The following LRP1B variants were observed in gnomAD, a reference collection of about 807,000 sequenced individuals.
LRP1B encodes the protein LDL receptor related protein 1B, also known as low-density lipoprotein receptor-related protein 1B.
LRP1B carries 217 observed loss-of-function variants against 556.6 expected under a neutral mutation model. That is an observed-to-expected ratio of 0.39 (90% CI 0.35 to 0.44). The LOEUF (loss-of-function observed/expected upper bound fraction) is 0.44. Ranked by LOEUF, LRP1B falls within the 20% of genes least tolerant of loss-of-function variation. LRP1B has a pLI of 1.00. For missense variants in LRP1B, 5,053 were observed against 5,620.8 expected (o/e 0.90, Z 3.23); for synonymous variants, 2,047 against 1,865.8 (o/e 1.10, Z -2.50).
intron 1 of LRP1B, among the ~76,000 whole-genome samples, chr2:141,978,562 T>C (rs1558999690): frequency 1.3e-5 from 2 of 152,072 alleles, no homozygotes; most frequent in East Asian, 3.9e-4. Context: ...AAAAGAAAAT[T>C]TTTATCCAAG....
At chr2:140,546,731 G>T (rs1029833896) in intron 43 of LRP1B, among the ~76,000 whole-genome samples, 3 of 152,064 alleles carry the variant, frequency 2.0e-5, no homozygotes, top group African/African-American at 7.2e-5. Context: ...CATATCACTT[G>T]CCTTGTGCTG....
chr2:140,572,845 T>G (rs1319345541), intron 43 of LRP1B, among the ~76,000 whole-genome samples: 1 of 50,798 alleles, frequency 2.0e-5, no homozygotes, highest in Non-Finnish European at 4.5e-5. Context: ...AATAAAACAC[T>G]ATCATTCATG....
At chr2:141,914,676 G>A (rs1175497594) in intron 1 of LRP1B, among the ~76,000 whole-genome samples, 1 of 152,108 alleles carries the variant, frequency 6.6e-6, no homozygotes, top group Non-Finnish European at 1.5e-5. Flanking sequence ...AAAACTCAAT[G>A]TAAAAAATCA....
chr2:142,130,573 C>G (rs1308289003), intron 1 of LRP1B, 75 bp downstream of exon 1: 2 of 1,267,926 alleles, frequency 1.6e-6, no homozygotes, highest in African/African-American at 3.0e-5. Flanking sequence ...GTTTCACACT[C>G]ACTTATCTGC....
At chr2:141,458,938 T>G (rs984199194) in intron 3 of LRP1B, among the ~76,000 whole-genome samples, 1 of 152,116 alleles carries the variant, frequency 6.6e-6, no homozygotes, top group African/African-American at 2.4e-5. Flanking sequence ...TGCACAGTAA[T>G]ATGTAGAAAG....
rs150919555 is a variant in LRP1B at position 141,371,662 on chromosome 2, G to A, written c.343+108734C>T. Among the ~76,000 whole-genome samples the A allele has an allele frequency of 3.8e-3, 584 of 151,836 alleles. 10 individuals carry two copies. Among genetic ancestry groups the A allele is most frequent in the Non-Finnish European group, 2.0e-3 (136 of 67,934 alleles). On this transcript the variant is annotated intron_variant, in intron 3 of 90. Coordinates refer to ENST00000389484, the MANE Select transcript of LRP1B (RefSeq NM_018557.3). The stretch of plus-strand genomic sequence containing the variant: ...AGATTGCCTTCTTGATTTGGTCCTT[G>A]GCTAGATCATTATTAGTATATAGAA...
intron 1 of LRP1B, among the ~76,000 whole-genome samples, chr2:142,000,023 T>C (rs1242915803): frequency 4.3e-5 from 6 of 139,558 alleles, no homozygotes; most frequent in Admixed American, 3.8e-4. Context: ...TTATTATATA[T>C]ACTATATAAT....
chr2:142,129,914 A>G (rs1707788801), intron 1 of LRP1B, among the ~76,000 whole-genome samples: 1 of 151,994 alleles, frequency 6.6e-6, no homozygotes. Flanking sequence ...CCCCATATCC[A>G]TTCCCTTCTA....
chr2:141,530,781 A>G (rs1180621116), intron 2 of LRP1B, among the ~76,000 whole-genome samples: 1 of 152,012 alleles, frequency 6.6e-6, no homozygotes, highest in Admixed American at 6.6e-5. Flanking sequence ...GGAACATTCC[A>G]GGCCTAGAGA....
intron 60 of LRP1B, among the ~76,000 whole-genome samples, chr2:140,466,980 C>A (rs539334955): frequency 6.6e-6 from 1 of 152,026 alleles, no homozygotes; most frequent in Non-Finnish European, 1.5e-5. Flanking sequence ...AAACTTCAGT[C>A]AAAATAGAAT....
At chr2:141,438,180 G>A (rs928964234) in intron 3 of LRP1B, among the ~76,000 whole-genome samples, 1 of 152,086 alleles carries the variant, frequency 6.6e-6, no homozygotes, top group African/African-American at 2.4e-5. Context: ...AACATATCAG[G>A]ATAGTCGATG....
At chr2:141,246,665 T>G (rs1450798486) in intron 5 of LRP1B, among the ~76,000 whole-genome samples, 1 of 152,186 alleles carries the variant, frequency 6.6e-6, no homozygotes, top group East Asian at 1.9e-4. Context: ...TTTTGCTAAT[T>G]AGAAACTTCC....
chr2:141,182,347 C>T (rs534885604), intron 7 of LRP1B, among the ~76,000 whole-genome samples: 9 of 151,854 alleles, frequency 5.9e-5, no homozygotes, highest in Non-Finnish European at 1.0e-4. Context: ...ATAAGCCTAG[C>T]GATGTTGTCA....
intron 2 of LRP1B, among the ~76,000 whole-genome samples, chr2:141,697,555 A>T (rs1029536189): frequency 6.6e-6 from 1 of 152,022 alleles, no homozygotes; most frequent in African/African-American, 2.4e-5. Flanking sequence ...AGTTAAATGT[A>T]AAGATAACAA....
At chr2:140,863,607 T>C (rs780181052) in intron 27 of LRP1B, among the ~76,000 whole-genome samples, 2 of 152,144 alleles carry the variant, frequency 1.3e-5, no homozygotes, top group Non-Finnish European at 2.9e-5. Context: ...ATTTATTCTT[T>C]CCTCACTTGC....
chr2:141,788,262 G>T (rs1046218248), intron 2 of LRP1B, among the ~76,000 whole-genome samples: 1 of 151,968 alleles, frequency 6.6e-6, no homozygotes, highest in Non-Finnish European at 1.5e-5. Context: ...TCTTGGAATT[G>T]TTGAGCTCCC....
rs192427687 is a variant in LRP1B, at chr2:140,913,419, G to T, written c.3320-5342C>A. 9.2e-5 allele frequency among the ~76,000 whole-genome samples: 14 copies of T among 152,056 alleles called. No homozygotes were observed. The East Asian group carries it at 2.3e-3, about 25-fold the overall frequency. On this transcript the variant is annotated intron_variant, in intron 21 of 90. Transcript: ENST00000389484. ...GGAAAATATGTATGATTGGAAGGATGAGAAACAAGCTTTACCAAACTATTC... is the reference window on the plus strand; with the variant it reads ...GGAAAATATGTATGATTGGAAGGATTAGAAACAAGCTTTACCAAACTATTC...
intron 10 of LRP1B, among the ~76,000 whole-genome samples, chr2:141,051,929 T>A (rs960233704): frequency 6.6e-6 from 1 of 150,862 alleles, no homozygotes; most frequent in African/African-American, 2.4e-5. Context: ...TATATTTACT[T>A]ATATCAAAAT....
At chr2:140,897,727 C>T (rs1286957928) in intron 23 of LRP1B, among the ~76,000 whole-genome samples, 1 of 152,194 alleles carries the variant, frequency 6.6e-6, no homozygotes, top group East Asian at 1.9e-4. Flanking sequence ...TGCCCTCAAA[C>T]ATCAGACTTC....
Sources: gnomAD v4.1 joint callset for allele counts (sites outside exome capture counted in the v4.1 genomes callset) on GRCh38, gnomAD v4.1.1 for gene constraint, MANE v1.5 for transcripts, NCBI Gene and HGNC (gene_info 2026-07-23, HGNC 2026-07-21) for gene names.